Variants in TYW1 observed in about 807,000 individuals in gnomAD.
TYW1 encodes tRNA-yW synthesizing protein 1 homolog, also known as S-adenosyl-L-methionine-dependent tRNA 4-demethylwyosine synthase TYW1.
In TYW1, 46 loss-of-function variants were observed where a neutral mutation model predicts 96.2. The observed-to-expected ratio is 0.48, with a 90% CI of 0.38 to 0.61. The LOEUF (loss-of-function observed/expected upper bound fraction) is 0.61. Among genes scored for constraint, TYW1 ranks in the 20% least tolerant of loss-of-function variants. The probability of loss-of-function intolerance (pLI) is 0.00; values close to 1 mark genes in which losing one functional copy is unlikely to be tolerated. For missense variants in TYW1, 684 were observed against 909.6 expected, an observed-to-expected ratio of 0.75 and a Z score of 3.19; for synonymous variants, 274 against 323.0, an observed-to-expected ratio of 0.85 and a Z score of 1.63.
chr7:67,194,443 G>A (rs1800322681), intron 14 of TYW1, among the ~76,000 whole-genome samples: 1 of 151,756 alleles, frequency 6.6e-6, no homozygotes. Context: ...TGGTCAACAT[G>A]GCGAAACCCC....
intron 15 of TYW1, among the ~76,000 whole-genome samples, chr7:67,223,087 CT>C (rs1169740799): frequency 1.3e-5 from 2 of 152,108 alleles, no homozygotes; most frequent in Non-Finnish European, 2.9e-5. Flanking sequence ...CTTTTCTTGA[CT>C]TTTCCCACAT....
At chr7:67,207,043 G>A (rs566846415) in intron 15 of TYW1, among the ~76,000 whole-genome samples, 31 of 152,034 alleles carry the variant, frequency 2.0e-4, no homozygotes, top group Admixed American at 4.6e-4. Context: ...GGCCAGAAAC[G>A]CCCTCCTTTC....
chr7:66,999,191 T>C (rs1014968143), intron 3 of TYW1, among the ~76,000 whole-genome samples: 1 of 152,180 alleles, frequency 6.6e-6, no homozygotes, highest in African/African-American at 2.4e-5. Flanking sequence ...GGTCAGTGTC[T>C]TGAGGGGGCC....
intron 13 of TYW1, among the ~76,000 whole-genome samples, chr7:67,152,436 A>AT (rs1275092599): frequency 5.3e-5 from 8 of 149,866 alleles, no homozygotes; most frequent in Non-Finnish European, 8.9e-5. Context: ...TTTTGCTCTC[A>AT]TTGTTTTTTT....
intron 12 of TYW1, among the ~76,000 whole-genome samples, chr7:67,105,628 T>C (rs1348651276): frequency 6.6e-6 from 1 of 152,214 alleles, no homozygotes; most frequent in Non-Finnish European, 1.5e-5. Flanking sequence ...CCTCCCGTCT[T>C]GCTGTTTCTT....
intron 13 of TYW1, among the ~76,000 whole-genome samples, chr7:67,156,664 C>A (rs1202687786): frequency 6.6e-6 from 1 of 152,136 alleles, no homozygotes; most frequent in Admixed American, 6.5e-5. Flanking sequence ...CTACAGCCTT[C>A]TGGAAGAACA....
chr7:67,014,992 G>T (rs74765531), intron 5 of TYW1, among the ~76,000 whole-genome samples: 20 of 148,532 alleles, frequency 1.3e-4, no homozygotes, highest in Admixed American at 8.7e-4. Context: ...GAGCCACCGT[G>T]CCCGGCCTCT....
chr7:67,045,899 A>G (rs1795172688), intron 7 of TYW1, among the ~76,000 whole-genome samples: 1 of 152,184 alleles, frequency 6.6e-6, no homozygotes, highest in Non-Finnish European at 1.5e-5. Context: ...TGGGAAATGA[A>G]ACCCTAGAAC....
chr7:67,132,428 C>T (rs1425849779), intron 13 of TYW1, among the ~76,000 whole-genome samples: 1 of 152,178 alleles, frequency 6.6e-6, no homozygotes, highest in East Asian at 1.9e-4. Flanking sequence ...CATATTTATA[C>T]TTCACTCTTA....
At chr7:67,001,508 G>C (rs1280795824) in intron 3 of TYW1, among the ~76,000 whole-genome samples, 1 of 151,450 alleles carries the variant, frequency 6.6e-6, no homozygotes, top group Non-Finnish European at 1.5e-5. Flanking sequence ...TGCAACCTCT[G>C]CTTCCCGGGT....
At chr7:67,200,077 C>T (rs566477679) in intron 15 of TYW1, among the ~76,000 whole-genome samples, 13 of 152,302 alleles carry the variant, frequency 8.5e-5, no homozygotes, top group Admixed American at 2.6e-4. Flanking sequence ...AAGGAGCTCG[C>T]GGTTTAGTGG....
intron 15 of TYW1, among the ~76,000 whole-genome samples, chr7:67,216,523 G>A (rs1801201556): frequency 6.9e-6 from 1 of 145,826 alleles, no homozygotes; most frequent in South Asian, 2.2e-4. Context: ...TGTTTACAAA[G>A]AACCAGCATT....
At chr7:67,062,597 A>T (rs1257714956) in intron 9 of TYW1, among the ~76,000 whole-genome samples, 1 of 150,596 alleles carries the variant, frequency 6.6e-6, no homozygotes, top group Admixed American at 6.6e-5. Context: ...GAAAACACAA[A>T]TCATCAGTAT....
At chr7:67,025,817 G>A (rs2129247328) in intron 7 of TYW1, among the ~76,000 whole-genome samples, 1 of 151,938 alleles carries the variant, frequency 6.6e-6, no homozygotes, top group Middle Eastern at 3.4e-3. Context: ...TGTGAGTTTT[G>A]GAAAATGAGA....
chr7:67,170,202 C>T (rs35877378), intron 13 of TYW1, among the ~76,000 whole-genome samples: 1 of 151,826 alleles, frequency 6.6e-6, no homozygotes, highest in Non-Finnish European at 1.5e-5. Flanking sequence ...TTCCCCATTG[C>T]ATTGTCTTTG....
At chr7:67,002,034 AAAC>A (rs1404678369) in intron 3 of TYW1, among the ~76,000 whole-genome samples, 2 of 124,766 alleles carry the variant, frequency 1.6e-5, no homozygotes, top group East Asian at 4.6e-4. Context: ...AACCTGTCTC[AAAC>A]AAAAAAAAAA....
intron 15 of TYW1, among the ~76,000 whole-genome samples, chr7:67,204,199 C>T (rs1233358365): frequency 2.0e-5 from 3 of 152,106 alleles, no homozygotes; most frequent in Non-Finnish European, 4.4e-5. Flanking sequence ...TTTTCAGCCT[C>T]ATCTTATTTC....
chr7:67,210,835 CATCT>C (rs1800985922), intron 15 of TYW1, among the ~76,000 whole-genome samples: 5 of 151,692 alleles, frequency 3.3e-5, no homozygotes, highest in Middle Eastern at 3.4e-3. Context: ...TCTATTCATC[CATCT>C]ATCAATCCAT....
intron 7 of TYW1, among the ~76,000 whole-genome samples, chr7:67,049,680 GGGATTACA>G (rs1361579068): frequency 6.6e-6 from 1 of 152,082 alleles, no homozygotes; most frequent in East Asian, 1.9e-4. Context: ...CTGAGTAGCT[GGGATTACA>G]GGTGTGAGCC....
Sources: gnomAD v4.1 joint callset for allele counts (sites outside exome capture counted in the v4.1 genomes callset) on GRCh38, gnomAD v4.1.1 for gene constraint, MANE v1.5 for transcripts, NCBI Gene and HGNC (gene_info 2026-07-23, HGNC 2026-07-21) for gene names.